LIPG: variants seen among roughly 807,000 people sequenced by gnomAD.
LIPG encodes the protein endothelial lipase.
Under a neutral mutation model 51.8 loss-of-function variants are expected in LIPG, and 34 were observed. That is an observed-to-expected ratio of 0.66 (90% CI 0.50 to 0.87). The LOEUF (loss-of-function observed/expected upper bound fraction) is 0.87, where lower values mean the gene tolerates loss of function less well. Among genes scored for constraint, LIPG ranks in the 40% least tolerant of loss-of-function variants. The probability of loss-of-function intolerance (pLI) is 0.00; values close to 1 mark genes in which losing one functional copy is unlikely to be tolerated. For missense variants in LIPG, 580 were observed against 652.7 expected (o/e 0.89, Z 1.21); for synonymous variants, 246 against 246.1 (o/e 1.00, Z 0.00).
In LIPG at chr18:49,592,570, CA is replaced by C; in HGVS notation, c.*2053del. 6.4e-6 allele frequency: 1 copy of C among 155,670 alleles called. No homozygotes were observed. The highest frequency in any genetic ancestry group is 1.4e-5 in the Non-Finnish European group (1 of 70,754). 9.6% of individuals were successfully genotyped at this position (155,670 alleles called of 1,614,324 possible). ...TCCCATTTTTTGTCTTGTTGGTGCT[CA>C]AAAAGTTTTGGATTTTGGAGCATTT... On this transcript the variant is annotated 3_prime_UTR_variant, in exon 10 of 10. Transcript: ENST00000261292.
chr18:49,562,210 G>T lies in LIPG; in HGVS notation c.-99G>T. 1 of 1,598,268 alleles carries T rather than the reference G, an allele frequency of 6.3e-7. No individual in the cohort carries two copies. On this transcript the variant is annotated 5_prime_UTR_variant, in exon 1 of 10. Coordinates refer to ENST00000261292, the MANE Select transcript of LIPG (RefSeq NM_006033.4). ...GCCTCCAGTCCCCCAGCCCCTGGCCGAGAGAAGGGTCTTACCGGCCGGGAT... is the reference window on the plus strand; with the variant it reads ...GCCTCCAGTCCCCCAGCCCCTGGCCTAGAGAAGGGTCTTACCGGCCGGGAT...
chr18:49,582,592 C>T, intron 7 of LIPG, 110 bp downstream of exon 7: 1 of 1,418,132 alleles, frequency 7.1e-7, no homozygotes, highest in Non-Finnish European at 9.9e-7. Context: ...AGAGTGCAGT[C>T]CGACTGCTCA....
chr18:49,576,453 C>T (rs1351270870), intron 5 of LIPG, among the ~76,000 whole-genome samples: 11 of 40,580 alleles, frequency 2.7e-4, no homozygotes, highest in East Asian at 4.9e-4. Context: ...AAGACAGAAT[C>T]TTGCTTTTTT....
At chr18:49,579,219 G>C (rs1323464280) in intron 5 of LIPG, among the ~76,000 whole-genome samples, 1 of 108,336 alleles carries the variant, frequency 9.2e-6, no homozygotes, top group Non-Finnish European at 1.7e-5. Flanking sequence ...AGAGGGAGAG[G>C]GAGAGGGAGA....
In LIPG at chr18:49,575,747, C is replaced by T. The variant is rs113508959; in HGVS notation, c.793+157C>T. Among the ~76,000 whole-genome samples the T allele has an allele frequency of 9.3e-3, 1,422 of 152,258 alleles. 25 individuals are homozygous for T. Among genetic ancestry groups the T allele is most frequent in the African/African-American group, 0.032 (1,347 of 41,552 alleles). Reference sequence around the variant, plus strand: ...TGTATTTAATATTTCTCATTGTTCCCCAAGACTAACCAACCCAGTGGTTCC... The same window carrying T: ...TGTATTTAATATTTCTCATTGTTCCTCAAGACTAACCAACCCAGTGGTTCC... On this transcript the variant is annotated intron_variant, in intron 5 of 9. Transcript: ENST00000261292.
At chr18:49,561,921 C>T (rs2084553809), upstream of LIPG, 1 of 1,335,774 alleles carries the variant, frequency 7.5e-7, no homozygotes, top group Non-Finnish European at 9.5e-7. Flanking sequence ...TTCAAACTTT[C>T]TCCAGTCTCG....
chr18:49,575,833 TTTTC>T (rs1410931557), intron 5 of LIPG, among the ~76,000 whole-genome samples: 2 of 151,462 alleles, frequency 1.3e-5, no homozygotes, highest in African/African-American at 4.9e-5. Flanking sequence ...TTTCTTTTCT[TTTTC>T]TTTCTTTTTT....
At position 49,590,691 on chromosome 18, in the gene LIPG, G is replaced by C. The variant is rs897461396; in HGVS notation, c.*169G>C. 1 of 719,018 alleles carries C rather than the reference G, an allele frequency of 1.4e-6. No individual in the cohort carries two copies. Among genetic ancestry groups the C allele is most frequent in the African/African-American group, 1.7e-5 (1 of 57,500 alleles). 44.5% of individuals were successfully genotyped at this position (719,018 alleles called of 1,614,324 possible). On this transcript the variant is annotated 3_prime_UTR_variant, in exon 10 of 10. Transcript: ENST00000261292. ...GTGATGGCTGGGACTCCTCGCGGGAGGGGACTGCGCTGCTATAGCTCTTGC... is the reference window on the plus strand; with the variant it reads ...GTGATGGCTGGGACTCCTCGCGGGACGGGACTGCGCTGCTATAGCTCTTGC...
chr18:49,589,013 G>A (rs2084913767), intron 9 of LIPG, among the ~76,000 whole-genome samples: 1 of 152,104 alleles, frequency 6.6e-6, no homozygotes, highest in Admixed American at 6.5e-5. Flanking sequence ...GGGAGATGAA[G>A]TTTCTCTCCC....
chr18:49,567,069 G>C (rs377007422), intron 2 of LIPG, among the ~76,000 whole-genome samples: 23 of 152,356 alleles, frequency 1.5e-4, no homozygotes, highest in African/African-American at 5.0e-4. Context: ...GGGCATGGTG[G>C]CTCACGCCTA....
In LIPG at chr18:49,567,522, G is replaced by A. The variant is rs1388076492; in HGVS notation, c.360G>A (p.Val120=). 1.2e-5 allele frequency: 19 copies of A among 1,614,032 alleles called. No homozygotes were observed. Among genetic ancestry groups the A allele is most frequent in the Non-Finnish European group, 1.5e-5 (18 of 1,180,036 alleles). Residue 120 remains valine (V), a synonymous_variant, in exon 3 of 10, where the codon GTG becomes GTA. Coordinates refer to ENST00000261292, the MANE Select transcript of LIPG (RefSeq NM_006033.4). ...HTREKDANVV[V]VDWLPLAHQL... is the part of the protein sequence containing the mutation. ...GAGAGAAAGACGCCAATGTAGTTGT[G>A]GTTGACTGGCTCCCCCTGGCCCACC...
chr18:49,569,390 C>A, intron 3 of LIPG, 47 bp from the exon 4 acceptor site: 1 of 1,499,162 alleles, frequency 6.7e-7, no homozygotes, highest in Non-Finnish European at 9.3e-7. Flanking sequence ...ATTCTGGGGG[C>A]TCTGGACCCT....
intron 5 of LIPG, among the ~76,000 whole-genome samples, chr18:49,578,274 T>C (rs2084752128): frequency 2.3e-5 from 3 of 132,714 alleles, no homozygotes; most frequent in Admixed American, 7.4e-5. Context: ...GACGGGGTGG[T>C]TGCCAGGCAG....
chr18:49,591,466 T>C lies in LIPG; in HGVS notation c.*944T>C, dbSNP rs2084943185. 6.6e-6 allele frequency: 1 copy of C among 152,256 alleles called. No homozygotes were observed. Among genetic ancestry groups the C allele is most frequent in the Non-Finnish European group, 1.5e-5 (1 of 68,056 alleles). 9.4% of individuals were successfully genotyped at this position (152,256 alleles called of 1,614,324 possible). Reference sequence around the variant, plus strand: ...ATCATTCATGCTGGGGCCAGAATGATGGCCGGTTGCCAGATATAACTGCTT... The same window carrying C: ...ATCATTCATGCTGGGGCCAGAATGACGGCCGGTTGCCAGATATAACTGCTT... On this transcript the variant is annotated 3_prime_UTR_variant, in exon 10 of 10. Transcript: ENST00000261292.
intron 3 of LIPG, among the ~76,000 whole-genome samples, chr18:49,568,723 A>C (rs1266926204): frequency 6.6e-6 from 1 of 152,080 alleles, no homozygotes; most frequent in African/African-American, 2.4e-5. Flanking sequence ...AGATCAGTGG[A>C]TTTAGCTGGG....
At chr18:49,587,274 CAAAAAG>C (rs1023345497) in intron 9 of LIPG, among the ~76,000 whole-genome samples, 1 of 148,056 alleles carries the variant, frequency 6.8e-6, no homozygotes, top group African/African-American at 2.5e-5. Context: ...AGCTCTGTCT[CAAAAAG>C]AAAGAAAGGG....
chr18:49,569,501 C>T lies in LIPG; in HGVS notation c.524C>T (p.Ala175Val), dbSNP rs901998325. Residue 175 changes from alanine (A) to valine (V), a missense_variant, in exon 4 of 10, where the codon GCC becomes GTC. By Grantham distance (64) the Ala-to-Val change is moderately conservative. Transcript: ENST00000261292. ...GGCTACAGCCTCGGAGCGCACGTGG[C>T]CGGGTATGCAGGCAACTTCGTGAAA... ...LIGYSLGAHV[A>V]GYAGNFVKGT... 1.5e-5 allele frequency: 25 copies of T among 1,614,062 alleles called. No homozygotes were observed. The highest frequency in any genetic ancestry group is 2.0e-5 in the Non-Finnish European group (24 of 1,180,038).
chr18:49,562,546 T>C (rs1040324950), intron 1 of LIPG, 141 bp downstream of exon 1: 2 of 792,530 alleles, frequency 2.5e-6, no homozygotes, highest in Non-Finnish European at 4.3e-6. Flanking sequence ...CCAATCCACC[T>C]TGGAGTCCAC....
chr18:49,595,997 C>T lies in LIPG; in HGVS notation c.*5475C>T, dbSNP rs1335181690. 6.6e-6 allele frequency: 1 copy of T among 152,226 alleles called. No homozygotes were observed. Among genetic ancestry groups the T allele is most frequent in the East Asian group, 1.9e-4 (1 of 5,184 alleles). 9.4% of individuals were successfully genotyped at this position (152,226 alleles called of 1,614,324 possible). On this transcript the variant is annotated 3_prime_UTR_variant, in exon 10 of 10. Coordinates refer to ENST00000261292, the MANE Select transcript of LIPG (RefSeq NM_006033.4). ...AAAATTAGATTCCTATTTTAACACG[C>T]AACAAAGATGAATTCCAAAATACCT...
Sources: allele counts gnomAD v4.1 joint callset (sites outside exome capture counted in the v4.1 genomes callset), GRCh38; gene constraint gnomAD v4.1.1; transcripts MANE v1.5; gene names NCBI Gene and HGNC (gene_info 2026-07-23, HGNC 2026-07-21).